Variants in F2R observed in about 807,000 individuals in gnomAD.
F2R encodes proteinase-activated receptor 1.
F2R carries 12 observed loss-of-function variants against 18.3 expected under a neutral mutation model. The observed-to-expected ratio is 0.66, with a 90% CI of 0.42 to 1.06. The LOEUF is 1.06. Among genes scored for constraint, F2R ranks in the 50% least tolerant of loss-of-function variants. F2R has a pLI of 0.00. For synonymous variants in F2R, 210 were observed against 219.9 expected (o/e 0.95, Z 0.40); for missense variants, 438 against 530.8 (o/e 0.83, Z 1.72).
intron 1 of F2R, among the ~76,000 whole-genome samples, chr5:76,725,647 A>C (rs1011128996): frequency 1.3e-5 from 2 of 151,434 alleles, no homozygotes; most frequent in Non-Finnish European, 2.9e-5. Context: ...TTTTTTTCCG[A>C]CATTCTTTAA....
At chr5:76,720,013 C>G (rs1429273343) in intron 1 of F2R, among the ~76,000 whole-genome samples, 1 of 152,196 alleles carries the variant, frequency 6.6e-6, no homozygotes, top group Non-Finnish European at 1.5e-5. Context: ...CTACCGTAAG[C>G]AGACCAGAAA....
intron 1 of F2R, among the ~76,000 whole-genome samples, chr5:76,718,956 G>C (rs540788363): frequency 6.6e-6 from 1 of 152,098 alleles, no homozygotes; most frequent in South Asian, 2.1e-4. Context: ...TTGCAGGAGG[G>C]TCCCCAGCCC....
intron 1 of F2R, among the ~76,000 whole-genome samples, chr5:76,731,416 G>A (rs1219432024): frequency 1.3e-5 from 2 of 151,952 alleles, no homozygotes; most frequent in East Asian, 3.9e-4. Flanking sequence ...GGAGGTTGCG[G>A]TGAGCCGAGA....
At chr5:76,723,839 A>T (rs893015624) in intron 1 of F2R, among the ~76,000 whole-genome samples, 1 of 152,176 alleles carries the variant, frequency 6.6e-6, no homozygotes, top group Non-Finnish European at 1.5e-5. Flanking sequence ...GTTACTCCCC[A>T]TACCCATCAT....
chr5:76,720,566 A>G (rs1229307793), intron 1 of F2R, among the ~76,000 whole-genome samples: 1 of 152,130 alleles, frequency 6.6e-6, no homozygotes, highest in Admixed American at 6.5e-5. Flanking sequence ...ATTCATTGGT[A>G]TTTAGTACAT....
At chr5:76,717,683 C>T (rs2227751) in intron 1 of F2R, among the ~76,000 whole-genome samples, 5,467 of 151,972 alleles carry the variant, frequency 0.036, 270 homozygotes, top group African/African-American at 0.12. Flanking sequence ...AAATTGTTTG[C>T]GATGAGATAT....
In F2R at chr5:76,732,846, C is replaced by T. The variant is rs1334781783; in HGVS notation, c.621C>T (p.Pro207=). 3 of 1,614,048 alleles carry T rather than the reference C, an allele frequency of 1.9e-6. No individual in the cohort carries two copies. The highest frequency in any genetic ancestry group is 2.5e-6 in the Non-Finnish European group (3 of 1,180,050). Residue 207 remains proline (P), a synonymous_variant, in exon 2 of 2, where the codon CCC becomes CCT. Coordinates refer to ENST00000319211, the MANE Select transcript of F2R (RefSeq NM_001992.5). The part of the protein sequence containing the change: ...SIDRFLAVVY[P]MQSLSWRTLG... Reference sequence around the variant, plus strand: ...ACCGGTTTCTGGCTGTGGTGTATCCCATGCAGTCCCTCTCCTGGCGTACTC... The same window carrying T: ...ACCGGTTTCTGGCTGTGGTGTATCCTATGCAGTCCCTCTCCTGGCGTACTC...
In F2R at chr5:76,732,512, T is replaced by G; in HGVS notation, c.287T>G (p.Leu96Trp). Residue 96 changes from leucine to tryptophan, a missense_variant, in exon 2 of 2, where the codon TTG (leucine) becomes TGG (tryptophan). Coordinates refer to ENST00000319211, the MANE Select transcript of F2R (RefSeq NM_001992.5). ...AFISEDASGY[L>W]TSSWLTLFVP... ...ATCTCAGAAGATGCCTCCGGATATT[T>G]GACCAGCTCCTGGCTGACACTCTTT... is the stretch of plus-strand genomic sequence containing the variant. The G allele has an allele frequency of 1.2e-6, 2 of 1,614,184 alleles. No homozygotes were observed. The highest frequency in any genetic ancestry group is 1.7e-6 in the Non-Finnish European group (2 of 1,180,040).
chr5:76,733,050 T>G lies in F2R; in HGVS notation c.825T>G (p.Ser275=), dbSNP rs779156273. The G allele has an allele frequency of 3.0e-5, 49 of 1,614,206 alleles. No homozygotes were observed. Among genetic ancestry groups the G allele is most frequent in the Non-Finnish European group, 4.1e-5 (48 of 1,180,042 alleles). The change falls in exon 2 of 2, where the codon TCT becomes TCG. Residue 275 remains serine, a synonymous_variant. Transcript: ENST00000319211. ...GYYAYYFSAF[S]AVFFFVPLII... is the part of the protein sequence containing the mutation. ...ATGCCTACTACTTCTCAGCCTTCTC[T>G]GCTGTCTTCTTTTTTGTGCCGCTGA...
intron 1 of F2R, among the ~76,000 whole-genome samples, chr5:76,722,086 C>A (rs1748471395): frequency 1.3e-5 from 2 of 152,092 alleles, no homozygotes; most frequent in Non-Finnish European, 2.9e-5. Context: ...ATGTCTAGAA[C>A]CTAATTTATT....
In F2R at chr5:76,716,203, C is replaced by T. The variant is rs1330729047; in HGVS notation, c.-105C>T. The T allele has an allele frequency of 2.2e-6, 2 of 909,432 alleles. No homozygotes were observed. Among genetic ancestry groups the T allele is most frequent in the East Asian group, 6.7e-5 (2 of 30,064 alleles). The allele number at this position is 909,432 out of a possible 1,614,324, so 56.3% of individuals were successfully genotyped here. A position where few individuals can be genotyped will look rare whatever the true frequency, so the allele number is the denominator to read the frequency against. Reference sequence around the variant, plus strand: ...CGTGGGCACCCTGCGCTCTGCCTGCCGCGAAGACCGGCTCCCCGACCCGCA... The same window carrying T: ...CGTGGGCACCCTGCGCTCTGCCTGCTGCGAAGACCGGCTCCCCGACCCGCA... On this transcript the variant is annotated 5_prime_UTR_variant, in exon 1 of 2. Coordinates refer to ENST00000319211, the MANE Select transcript of F2R (RefSeq NM_001992.5).
chr5:76,723,413 A>C (rs989596813), intron 1 of F2R, among the ~76,000 whole-genome samples: 36 of 152,204 alleles, frequency 2.4e-4, no homozygotes, highest in Admixed American at 2.4e-3. Flanking sequence ...CCTCTACTTC[A>C]TAGCTGTGTG....
At position 76,732,347 on chromosome 5, in the gene F2R, G is replaced by A. The variant is rs754145524; in HGVS notation, c.122G>A (p.Arg41Gln). The change falls in exon 2 of 2, where the codon CGG (arginine) becomes CAG (glutamine). Residue 41 changes from arginine (R) to glutamine (Q), a missense_variant. Transcript: ENST00000319211. ...GCAACAAATGCCACCTTAGATCCCCGGTCATTTCTTCTCAGGAACCCCAAT... is the reference window on the plus strand; with the variant it reads ...GCAACAAATGCCACCTTAGATCCCCAGTCATTTCTTCTCAGGAACCCCAAT... ...SKATNATLDP[R>Q]SFLLRNPNDK... 16 of 1,609,798 alleles carry A rather than the reference G, an allele frequency of 9.9e-6. No individual in the cohort carries two copies. The highest frequency in any genetic ancestry group is 2.7e-5 in the African/African-American group (2 of 74,634).
chr5:76,725,855 C>A (rs1340493780), intron 1 of F2R, among the ~76,000 whole-genome samples: 1 of 152,168 alleles, frequency 6.6e-6, no homozygotes, highest in Non-Finnish European at 1.5e-5. Context: ...AAAACAAGTA[C>A]TTACTGCCTA....
intron 1 of F2R, among the ~76,000 whole-genome samples, chr5:76,719,195 A>G (rs891846540): frequency 5.3e-5 from 8 of 152,196 alleles, no homozygotes; most frequent in Admixed American, 1.3e-4. Context: ...TTACAATACT[A>G]TCTTATTTAT....
At chr5:76,731,730 A>G (rs1441555943) in intron 1 of F2R, among the ~76,000 whole-genome samples, 4 of 151,976 alleles carry the variant, frequency 2.6e-5, no homozygotes, top group Non-Finnish European at 5.9e-5. Flanking sequence ...GGGTTTCACC[A>G]TCTTGGCCAG....
intron 1 of F2R, among the ~76,000 whole-genome samples, chr5:76,728,727 G>A (rs1442079145): frequency 2.5e-5 from 3 of 119,188 alleles, no homozygotes; most frequent in African/African-American, 9.8e-5. Context: ...GTCTCGCTCT[G>A]TCGGCCAGGC....
chr5:76,727,131 A>G (rs542224823), intron 1 of F2R, among the ~76,000 whole-genome samples: 1 of 152,354 alleles, frequency 6.6e-6, no homozygotes, highest in African/African-American at 2.4e-5. Context: ...TTTTAACTTA[A>G]TTAAGTGAGC....
chr5:76,734,541 G>T lies in F2R; in HGVS notation c.*1038G>T. ...ACAACGAAAGAAGGCATGGACTTCT[G>T]GATGCCCATCCACTGGGTGTAAACA... On this transcript the variant is annotated 3_prime_UTR_variant, in exon 2 of 2. Coordinates refer to ENST00000319211, the MANE Select transcript of F2R (RefSeq NM_001992.5). 6.6e-6 allele frequency: 1 copy of T among 152,434 alleles called. No individual in the cohort carries two copies. The allele number at this position is 152,434 out of a possible 1,614,324, so 9.4% of individuals were successfully genotyped here.
Sources: allele counts gnomAD v4.1 joint callset (sites outside exome capture counted in the v4.1 genomes callset), GRCh38; gene constraint gnomAD v4.1.1; transcripts MANE v1.5; gene names NCBI Gene and HGNC (gene_info 2026-07-23, HGNC 2026-07-21).